ZNF891: variants seen among roughly 807,000 people sequenced by gnomAD.
ZNF891 encodes zinc finger protein 891.
For missense variants in ZNF891, 589 were observed against 632.7 expected, an observed-to-expected ratio of 0.93 and a Z score of 0.74; for synonymous variants, 199 against 209.0, an observed-to-expected ratio of 0.95 and a Z score of 0.41.
Position 133,111,103 on chromosome 12 carries a change from C to CT in ZNF891, c.*9180dup, listed in dbSNP as rs1399670509. 1 of 152,128 alleles carries CT rather than the reference C, an allele frequency of 6.6e-6. No individual in the cohort carries two copies. Among genetic ancestry groups the CT allele is most frequent in the Non-Finnish European group, 1.5e-5 (1 of 68,038 alleles). The allele number at this position is 152,128 out of a possible 1,614,324, so 9.4% of individuals were successfully genotyped here. On this transcript the variant is annotated 3_prime_UTR_variant, in exon 2 of 2. Coordinates refer to ENST00000537226, the MANE Select transcript of ZNF891 (RefSeq NM_001277291.2). ...GTATGATTGATTTGGAAGAAAGAGT[C>CT]TGAGTCCTTAGCAACTCATTCAAAA...
chr12:133,126,240 T>C (rs1459769698), intron 1 of ZNF891, among the ~76,000 whole-genome samples: 1 of 151,954 alleles, frequency 6.6e-6, no homozygotes, highest in East Asian at 1.9e-4. Context: ...GAAATCCCAG[T>C]ACTGAGGCGG....
chr12:133,117,972 A>C lies in ZNF891; in HGVS notation c.*2312T>G, dbSNP rs1454985761. 1 of 137,872 alleles carries C rather than the reference A, an allele frequency of 7.3e-6. No individual in the cohort carries two copies. The highest frequency in any genetic ancestry group is 2.1e-4 in the East Asian group (1 of 4,742). The allele number at this position is 137,872 out of a possible 1,614,324, so 8.5% of individuals were successfully genotyped here. A position where few individuals can be genotyped will look rare whatever the true frequency, so the allele number is the denominator to read the frequency against. On this transcript the variant is annotated 3_prime_UTR_variant, in exon 2 of 2. Transcript: ENST00000537226. ...TTTTTTTTTTTTTTTTTTTGAGATG[A>C]AGTCCTGCTCTGTCACCAGGCTGGA...
At position 133,105,906 on chromosome 12, in the gene ZNF891, T is replaced by C. The variant is rs1955573877; in HGVS notation, c.*14378A>G. The C allele has an allele frequency of 3.1e-6, 5 of 1,614,140 alleles. No individual in the cohort carries two copies. Among genetic ancestry groups the C allele is most frequent in the Admixed American group, 1.7e-5 (1 of 60,016 alleles). On this transcript the variant is annotated 3_prime_UTR_variant, in exon 2 of 2. Coordinates refer to ENST00000537226, the MANE Select transcript of ZNF891 (RefSeq NM_001277291.2). ...TCAAACCTTGTGAAACACCAAATGA[T>C]ACATACTGGAAAGAAACCCCATGAG...
rs1955686250 is a variant in ZNF891 at position 133,112,151 on chromosome 12, A to C, written c.*8133T>G. On this transcript the variant is annotated 3_prime_UTR_variant, in exon 2 of 2. Coordinates refer to ENST00000537226, the MANE Select transcript of ZNF891 (RefSeq NM_001277291.2). ...TAACAGTTTTCCATTTACTGGACTT[A>C]CTTTCTGTTCCACAAATATGTCAAA... The C allele has an allele frequency of 2.6e-5, 4 of 152,194 alleles. No individual in the cohort carries two copies. Among genetic ancestry groups the C allele is most frequent in the Admixed American group, 2.6e-4 (4 of 15,274 alleles). 9.4% of individuals were successfully genotyped at this position (152,194 alleles called of 1,614,324 possible). A position where few individuals can be genotyped will look rare whatever the true frequency, so the allele number is the denominator to read the frequency against.
intron 1 of ZNF891, among the ~76,000 whole-genome samples, chr12:133,130,003 C>T (rs1467162426): frequency 6.6e-6 from 1 of 152,132 alleles, no homozygotes; most frequent in South Asian, 2.1e-4. Context: ...CGGGACCCCT[C>T]CGCCCCGCGC....
In ZNF891 at chr12:133,105,225, A is replaced by G. The variant is rs1955546830; in HGVS notation, c.*15059T>C. 6.6e-6 allele frequency among the ~76,000 whole-genome samples: 1 copy of G among 150,866 alleles called. No individual in the cohort carries two copies. The highest frequency in any genetic ancestry group is 2.5e-5 in the African/African-American group (1 of 40,242). On this transcript the variant is annotated 3_prime_UTR_variant, in exon 2 of 2. Coordinates refer to ENST00000537226, the MANE Select transcript of ZNF891 (RefSeq NM_001277291.2). ...GTAAATACCGTTTAAATGGTGGTGA[A>G]GAAGACTAGCAACCTATCCTTCACA... is the stretch of plus-strand genomic sequence containing the variant.
Position 133,120,342 on chromosome 12 carries a change from C to G in ZNF891, c.1577G>C (p.Ser526Thr). 1.3e-6 allele frequency: 2 copies of G among 1,575,134 alleles called. No homozygotes were observed. Among genetic ancestry groups the G allele is most frequent in the Non-Finnish European group, 1.7e-6 (2 of 1,162,904 alleles). Residue 526 changes from serine (S) to threonine (T), a missense_variant, in exon 2 of 2, where the codon AGT (serine) becomes ACT (threonine). By Grantham distance (58) the Ser-to-Thr change is moderately conservative. Transcript: ENST00000537226. ...YECIQCGKAF[S>T]QSSSLIIHKR... ...GTGTATAATAAGTGAAGAGCTCTGACTGAAGGCTTTTCCACATTGAATACA... is the reference window on the plus strand; with the variant it reads ...GTGTATAATAAGTGAAGAGCTCTGAGTGAAGGCTTTTCCACATTGAATACA...
chr12:133,123,983 T>C (rs1210634320), intron 1 of ZNF891, among the ~76,000 whole-genome samples: 1 of 152,212 alleles, frequency 6.6e-6, no homozygotes, highest in Non-Finnish European at 1.5e-5. Flanking sequence ...GATTAATCTA[T>C]GTATTTAATA....
chr12:133,106,260 C>T lies in ZNF891; in HGVS notation c.*14024G>A, dbSNP rs145642591. On this transcript the variant is annotated 3_prime_UTR_variant, in exon 2 of 2. Transcript: ENST00000537226. The stretch of plus-strand genomic sequence containing the variant: ...CAGAGCATCCATACAACCAAAACCC[C>T]GTATGAATGTAATGAATGTAGGAAA... The T allele has an allele frequency of 6.9e-5, 111 of 1,614,020 alleles. No individual in the cohort carries two copies. The African/African-American group carries it at 9.9e-4, about 14-fold the overall frequency.
rs1955609864 is a variant in ZNF891, at chr12:133,106,638, C to T, written c.*13646G>A. ...TCATTTAATTACCACTCATTCCTTACTGAACACCAGTGAATTTACACTGCA... is the reference window on the plus strand; with the variant it reads ...TCATTTAATTACCACTCATTCCTTATTGAACACCAGTGAATTTACACTGCA... On this transcript the variant is annotated 3_prime_UTR_variant, in exon 2 of 2. Transcript: ENST00000537226. 4 of 1,585,796 alleles carry T rather than the reference C, an allele frequency of 2.5e-6. No individual in the cohort carries two copies. The South Asian group carries it at 4.6e-5, about 18-fold the overall frequency.
In ZNF891 at chr12:133,121,634, C is replaced by T. The variant is rs997507135; in HGVS notation, c.285G>A (p.Leu95=). Reference sequence around the variant, plus strand: ...TCATATTCCTTATCTCTTCTTGATCCAATGGGGAGATCACAGTAAGCCTGT... The same window carrying T: ...TCATATTCCTTATCTCTTCTTGATCTAATGGGGAGATCACAGTAAGCCTGT... The part of the protein sequence containing the change: ...QLYRLTVISP[L]DQEEIRNMKK... Residue 95 remains leucine (L), a synonymous_variant, in exon 2 of 2, where the codon TTG becomes TTA. Transcript: ENST00000537226. 3 of 1,536,210 alleles carry T rather than the reference C, an allele frequency of 2.0e-6. No homozygotes were observed. The highest frequency in any genetic ancestry group is 2.6e-6 in the Non-Finnish European group (3 of 1,146,950).
In ZNF891 at chr12:133,111,907, T is replaced by C. The variant is rs1955684866; in HGVS notation, c.*8377A>G. 6.6e-6 allele frequency: 1 copy of C among 152,212 alleles called. No homozygotes were observed. Among genetic ancestry groups the C allele is most frequent in the South Asian group, 2.1e-4 (1 of 4,832 alleles). 9.4% of individuals were successfully genotyped at this position (152,212 alleles called of 1,614,324 possible). On this transcript the variant is annotated 3_prime_UTR_variant, in exon 2 of 2. Transcript: ENST00000537226. ...ATTAGTTTTTGGCATTCAAATTTCA[T>C]ACATGAACTATTGCAAATAGCTTCC... is the stretch of plus-strand genomic sequence containing the variant.
rs1273832957 is a variant in ZNF891, at chr12:133,118,976, T to A, written c.*1308A>T. The A allele has an allele frequency of 2.0e-5, 3 of 152,044 alleles. No homozygotes were observed. Among genetic ancestry groups the A allele is most frequent in the Admixed American group, 6.6e-5 (1 of 15,264 alleles). 9.4% of individuals were successfully genotyped at this position (152,044 alleles called of 1,614,324 possible). On this transcript the variant is annotated 3_prime_UTR_variant, in exon 2 of 2. Coordinates refer to ENST00000537226, the MANE Select transcript of ZNF891 (RefSeq NM_001277291.2). Reference sequence around the variant, plus strand: ...ACTCATGCCTGGAATCCTAGCACTTTGGGAGGCAAAGGCAGGAGGACTGCT... The same window carrying A: ...ACTCATGCCTGGAATCCTAGCACTTAGGGAGGCAAAGGCAGGAGGACTGCT...
Position 133,113,966 on chromosome 12 carries a change from C to T in ZNF891, c.*6318G>A, listed in dbSNP as rs186821350. 3 of 152,096 alleles carry T rather than the reference C, an allele frequency of 2.0e-5. No individual in the cohort carries two copies. Among genetic ancestry groups the T allele is most frequent in the Admixed American group, 2.0e-4 (3 of 15,260 alleles). 9.4% of individuals were successfully genotyped at this position (152,096 alleles called of 1,614,324 possible). A position where few individuals can be genotyped will look rare whatever the true frequency, so the allele number is the denominator to read the frequency against. ...CTCCTGGGCTCAAGCAATCTACTCA[C>T]CTCAGCCTCTCAAAGTGCTGGGATT... On this transcript the variant is annotated 3_prime_UTR_variant, in exon 2 of 2. Coordinates refer to ENST00000537226, the MANE Select transcript of ZNF891 (RefSeq NM_001277291.2).
chr12:133,128,999 G>T (rs1002571322), intron 1 of ZNF891, among the ~76,000 whole-genome samples: 2 of 151,356 alleles, frequency 1.3e-5, no homozygotes, highest in Admixed American at 1.3e-4. Context: ...AGATAATTAG[G>T]TTCAAAAAAG....
At chr12:133,126,331 G>C (rs191825629) in intron 1 of ZNF891, among the ~76,000 whole-genome samples, 3 of 151,966 alleles carry the variant, frequency 2.0e-5, no homozygotes, top group Admixed American at 1.3e-4. Flanking sequence ...AAAATTAGCC[G>C]GGCGTGGTGG....
chr12:133,129,068 T>G (rs753945459), intron 1 of ZNF891, among the ~76,000 whole-genome samples: 4 of 152,120 alleles, frequency 2.6e-5, no homozygotes, highest in Non-Finnish European at 4.4e-5. Context: ...AAAATCACCA[T>G]AGAAATTACT....
chr12:133,108,832 T>C lies in ZNF891; in HGVS notation c.*11452A>G, dbSNP rs533445556. On this transcript the variant is annotated 3_prime_UTR_variant, in exon 2 of 2. Transcript: ENST00000537226. ...ACTGTATAAATGAATGTAGAGTGAATTTCTGCAATATTTCAAACCTATATC... is the reference window on the plus strand; with the variant it reads ...ACTGTATAAATGAATGTAGAGTGAACTTCTGCAATATTTCAAACCTATATC... The C allele has an allele frequency of 1.3e-5, 2 of 152,342 alleles. No homozygotes were observed. Among genetic ancestry groups the C allele is most frequent in the Admixed American group, 1.3e-4 (2 of 15,312 alleles). The allele number at this position is 152,342 out of a possible 1,614,324, so 9.4% of individuals were successfully genotyped here. A position where few individuals can be genotyped will look rare whatever the true frequency, so the allele number is the denominator to read the frequency against.
chr12:133,120,018 G>T lies in ZNF891; in HGVS notation c.*266C>A. The T allele has an allele frequency of 3.3e-6, 1 of 304,664 alleles. No homozygotes were observed. 18.9% of individuals were successfully genotyped at this position (304,664 alleles called of 1,614,324 possible). ...AACACCAACAAAGCAGTAAAATATA[G>T]TCCAGATTCTCTGAACACAATGGAA... On this transcript the variant is annotated 3_prime_UTR_variant, in exon 2 of 2. Coordinates refer to ENST00000537226, the MANE Select transcript of ZNF891 (RefSeq NM_001277291.2).
Sources: gnomAD v4.1 joint callset for allele counts (sites outside exome capture counted in the v4.1 genomes callset) on GRCh38, gnomAD v4.1.1 for gene constraint, MANE v1.5 for transcripts, NCBI Gene and HGNC (gene_info 2026-07-23, HGNC 2026-07-21) for gene names.